MLC1: variants seen among roughly 807,000 people sequenced by gnomAD.
MLC1 encodes the protein modulator of VRAC current 1, also known as membrane protein MLC1.
In MLC1, 32 loss-of-function variants were observed where a neutral mutation model predicts 44.7. The ratio of observed to expected loss-of-function variants is 0.72; its 90% CI spans 0.54 to 0.96. The LOEUF (loss-of-function observed/expected upper bound fraction) is 0.96. Ranked by LOEUF, MLC1 falls within the 40% of genes least tolerant of loss-of-function variation. The pLI is 0.00. For synonymous variants in MLC1, 190 were observed against 213.0 expected (o/e 0.89, Z 0.94); for missense variants, 459 against 492.2 (o/e 0.93, Z 0.64).
intron 6 of MLC1, 110 bp from the exon 7 acceptor site, chr22:50,077,022 G>T: frequency 8.7e-7 from 1 of 1,145,754 alleles, no homozygotes; most frequent in Non-Finnish European, 1.3e-6. Flanking sequence ...CCGTGTAGAT[G>T]CGAGACCGCC....
intron 2 of MLC1, 58 bp downstream of exon 2, chr22:50,084,668 G>A (rs1310366282): frequency 1.8e-5 from 28 of 1,588,768 alleles, no homozygotes; most frequent in Middle Eastern, 2.0e-4. Context: ...GCTGCAGTCC[G>A]TCACCAGAGG....
At position 50,061,582 on chromosome 22, in the gene MLC1, G is replaced by C; in HGVS notation, c.*1C>G. On this transcript the variant is annotated 3_prime_UTR_variant, in exon 12 of 12. Coordinates refer to ENST00000311597, the MANE Select transcript of MLC1 (RefSeq NM_015166.4). ...TGCCACCCGGTTTCCGCGTCTGGGG[G>C]TCACTGGGCCATTTGCACCACGACG... 2 of 1,613,690 alleles carry C rather than the reference G, an allele frequency of 1.2e-6. No homozygotes were observed. Among genetic ancestry groups the C allele is most frequent in the Non-Finnish European group, 1.7e-6 (2 of 1,179,962 alleles).
Position 50,059,578 on chromosome 22 carries a change from T to G in MLC1, c.*2005A>C, listed in dbSNP as rs1330775608. On this transcript the variant is annotated 3_prime_UTR_variant, in exon 12 of 12. Transcript: ENST00000311597. ...ACTCTGAAACTTGAGCTCTCTGGTC[T>G]GCCCCCAAGAAGACATCAGCCCGCC... 2 of 152,026 alleles carry G rather than the reference T, an allele frequency of 1.3e-5. No individual in the cohort carries two copies. The highest frequency in any genetic ancestry group is 2.9e-5 in the Non-Finnish European group (2 of 67,960). The allele number at this position is 152,026 out of a possible 1,614,324, so 9.4% of individuals were successfully genotyped here. A position where few individuals can be genotyped will look rare whatever the true frequency, so the allele number is the denominator to read the frequency against.
intron 3 of MLC1, among the ~76,000 whole-genome samples, chr22:50,081,238 G>C (rs566988319): frequency 4.6e-5 from 7 of 152,256 alleles, no homozygotes; most frequent in African/African-American, 1.4e-4. Context: ...AGCTACTCAG[G>C]AGGCTGAGGC....
chr22:50,078,866 G>C (rs1794887283), intron 5 of MLC1, among the ~76,000 whole-genome samples: 1 of 152,090 alleles, frequency 6.6e-6, no homozygotes, highest in East Asian at 1.9e-4. Context: ...GCTCCTTCCT[G>C]ATCCTGAAGA....
At chr22:50,080,596 C>G (rs1033116059) in intron 3 of MLC1, among the ~76,000 whole-genome samples, 199 bp from the exon 4 acceptor site, 1 of 152,116 alleles carries the variant, frequency 6.6e-6, no homozygotes, top group Non-Finnish European at 1.5e-5. Context: ...GAGATGGGGT[C>G]TCACTCTGTT....
intron 11 of MLC1, among the ~76,000 whole-genome samples, chr22:50,061,870 C>T (rs1191746420): frequency 6.6e-6 from 1 of 152,212 alleles, no homozygotes; most frequent in African/African-American, 2.4e-5. Context: ...TCCCCCCCCG[C>T]ACACACGGTT....
intron 8 of MLC1, among the ~76,000 whole-genome samples, chr22:50,071,045 C>T (rs1047043621): frequency 2.0e-5 from 3 of 152,120 alleles, no homozygotes; most frequent in Admixed American, 6.6e-5. Context: ...GGTCCATGCC[C>T]AGATTCTTCC....
intron 10 of MLC1, among the ~76,000 whole-genome samples, chr22:50,065,759 G>T (rs1229621862): frequency 1.3e-5 from 2 of 152,224 alleles, no homozygotes; most frequent in South Asian, 4.1e-4. Context: ...CCCCATTGAG[G>T]AGGTCGCCGA....
chr22:50,085,593 C>G (rs918608882), upstream of MLC1: 2 of 154,446 alleles, frequency 1.3e-5, no homozygotes, highest in Non-Finnish European at 1.4e-5. Flanking sequence ...GGGGCCCTGC[C>G]TGTGCCACTC....
chr22:50,077,352 G>A, intron 6 of MLC1, 49 bp downstream of exon 6: 1 of 1,541,478 alleles, frequency 6.5e-7, no homozygotes, highest in African/African-American at 1.4e-5. Flanking sequence ...CTCACCCTGG[G>A]GTGATGCCTC....
In MLC1 at chr22:50,084,732, C is replaced by G; in HGVS notation, c.171G>C (p.Leu57=). The G allele has an allele frequency of 6.2e-7, 1 of 1,614,064 alleles. No homozygotes were observed. The highest frequency in any genetic ancestry group is 8.5e-7 in the Non-Finnish European group (1 of 1,180,032). Residue 57 remains leucine, a synonymous_variant, in exon 2 of 12, where the codon CTG becomes CTC. Transcript: ENST00000311597. The stretch of plus-strand genomic sequence containing the variant: ...TTAGTGTGGAGCTACTCACCCCCAT[C>G]AGCACAGAGAAGACCCACGTCTTGT... ...FSHKTWVFSV[L]MGSCLLVTSG... is the part of the protein sequence containing the mutation.
chr22:50,063,924 CACTCACCT>C, intron 11 of MLC1, 102 bp downstream of exon 11: 1 of 1,212,598 alleles, frequency 8.2e-7, no homozygotes, highest in Non-Finnish European at 1.1e-6. Context: ...CCCTGTGGGC[CACTCACCT>C]CCCCAGCTTC....
At chr22:50,061,747 G>C in intron 11 of MLC1, 90 bp from the exon 12 acceptor site, 1 of 1,223,036 alleles carries the variant, frequency 8.2e-7, no homozygotes, top group Non-Finnish European at 1.2e-6. Context: ...GCAGCGAGCA[G>C]CCAGCGTTCA....
At chr22:50,085,056 A>G (rs1014339764) in intron 1 of MLC1, 95 bp from the exon 2 acceptor site, 2 of 1,470,552 alleles carry the variant, frequency 1.4e-6, no homozygotes, top group Non-Finnish European at 1.8e-6. Flanking sequence ...TATTGTTCAT[A>G]CTGAAGTGCT....
chr22:50,065,869 G>T (rs1408021455), intron 10 of MLC1, among the ~76,000 whole-genome samples: 1 of 152,250 alleles, frequency 6.6e-6, no homozygotes, highest in Non-Finnish European at 1.5e-5. Context: ...GAAGATGCGT[G>T]CAGGTTGTTC....
chr22:50,065,592 C>T (rs1431814379), intron 10 of MLC1, among the ~76,000 whole-genome samples: 3 of 152,192 alleles, frequency 2.0e-5, no homozygotes, highest in African/African-American at 7.2e-5. Context: ...AAAAGCAATG[C>T]AGACGTCCTC....
In MLC1 at chr22:50,060,514, G is replaced by A. The variant is rs1490255532; in HGVS notation, c.*1069C>T. On this transcript the variant is annotated 3_prime_UTR_variant, in exon 12 of 12. Coordinates refer to ENST00000311597, the MANE Select transcript of MLC1 (RefSeq NM_015166.4). ...CAAAGTACTTGCTAGGAGGTAGAGG[G>A]CGCTGGGTGAACCTGTGAGAATTCC... The A allele has an allele frequency of 6.6e-6, 1 of 152,602 alleles. No individual in the cohort carries two copies. The highest frequency in any genetic ancestry group is 1.5e-5 in the Non-Finnish European group (1 of 68,260). 9.5% of individuals were successfully genotyped at this position (152,602 alleles called of 1,614,324 possible). A position where few individuals can be genotyped will look rare whatever the true frequency, so the allele number is the denominator to read the frequency against.
chr22:50,071,492 G>C (rs1602010897), intron 8 of MLC1, among the ~76,000 whole-genome samples: 1 of 152,174 alleles, frequency 6.6e-6, no homozygotes, highest in East Asian at 1.9e-4. Context: ...GTTAATCGGG[G>C]AGTCCCTCAG....
Sources: gnomAD v4.1 joint callset for allele counts (sites outside exome capture counted in the v4.1 genomes callset) on GRCh38, gnomAD v4.1.1 for gene constraint, MANE v1.5 for transcripts, NCBI Gene and HGNC (gene_info 2026-07-23, HGNC 2026-07-21) for gene names.